COX6C: variants seen among roughly 807,000 people sequenced by gnomAD.
COX6C encodes the protein cytochrome c oxidase polypeptide VIc.
COX6C carries 3 observed loss-of-function variants against 6.9 expected under a neutral mutation model. The observed-to-expected ratio is 0.43, with a 90% CI of 0.20 to 1.12. The LOEUF (loss-of-function observed/expected upper bound fraction) is 1.12, where lower values mean the gene tolerates loss of function less well. Ranked by LOEUF, COX6C falls within the 50% of genes most tolerant of loss-of-function variation. The pLI is 0.27. For synonymous variants in COX6C, 32 were observed against 32.0 expected, an observed-to-expected ratio of 1.00 and a Z score of 0.00; for missense variants, 101 against 97.3, an observed-to-expected ratio of 1.04 and a Z score of -0.16.
At chr8:99,892,666 C>G (rs2131013305) in intron 1 of COX6C, among the ~76,000 whole-genome samples, 1 of 152,186 alleles carries the variant, frequency 6.6e-6, no homozygotes, top group South Asian at 2.1e-4. Flanking sequence ...CTTGGCTTAG[C>G]CTGTTTCATC....
intron 2 of COX6C, 97 bp downstream of exon 2, chr8:99,891,811 G>C: frequency 1.9e-6 from 2 of 1,049,434 alleles, no homozygotes; most frequent in East Asian, 4.7e-5. Context: ...GAAAGGGTTA[G>C]AAAGAAACAC....
chr8:99,881,341 C>A (rs1183288647), intron 3 of COX6C, among the ~76,000 whole-genome samples: 2 of 148,580 alleles, frequency 1.3e-5, no homozygotes, highest in Non-Finnish European at 3.0e-5. Flanking sequence ...GCCTGGGTGA[C>A]AGAGTAAGAC....
In COX6C at chr8:99,887,634, C is replaced by G. The variant is rs921854077; in HGVS notation, c.115-16G>C. ...CCACACGAAACTAAAAAGCAACCAT[C>G]CATTAGAGTTTATTTTTCAGATTAC... On this transcript the variant is annotated splice_polypyrimidine_tract_variant and intron_variant, in intron 2 of 3. Coordinates refer to ENST00000520468, the MANE Select transcript of COX6C (RefSeq NM_004374.4). The G allele has an allele frequency of 5.3e-6, 8 of 1,523,024 alleles. No individual in the cohort carries two copies. Among genetic ancestry groups the G allele is most frequent in the Non-Finnish European group, 7.1e-6 (8 of 1,119,534 alleles). 94.3% of individuals were successfully genotyped at this position (1,523,024 alleles called of 1,614,324 possible).
intron 3 of COX6C, 34 bp downstream of exon 3, chr8:99,887,456 T>A (rs1817960025): frequency 4.9e-6 from 6 of 1,234,436 alleles, no homozygotes; most frequent in African/African-American, 3.2e-5. Flanking sequence ...CAATTAGAAA[T>A]TTTTTTTTAA....
intron 3 of COX6C, among the ~76,000 whole-genome samples, chr8:99,879,301 C>T (rs775578644): frequency 2.5e-4 from 38 of 152,148 alleles, no homozygotes; most frequent in Non-Finnish European, 2.9e-4. Flanking sequence ...CCAAACCAGA[C>T]CTATGGAAAG....
intron 2 of COX6C, 126 bp downstream of exon 2, chr8:99,891,782 T>G (rs1818055826): frequency 1.3e-6 from 1 of 794,198 alleles, no homozygotes; most frequent in Admixed American, 2.1e-5. Context: ...ATAGTTCCTG[T>G]CACACTGAGG....
intron 2 of COX6C, among the ~76,000 whole-genome samples, chr8:99,891,229 C>T (rs761599058): frequency 3.7e-4 from 56 of 152,182 alleles, no homozygotes; most frequent in Non-Finnish European, 6.8e-4. Flanking sequence ...AGGGTGGGCC[C>T]TAATCCAATA....
intron 2 of COX6C, among the ~76,000 whole-genome samples, chr8:99,889,862 G>A (rs576040551): frequency 5.3e-5 from 8 of 151,802 alleles, no homozygotes; most frequent in East Asian, 2.0e-4. Context: ...AGGCCGAGGC[G>A]GGCGGATCAT....
intron 2 of COX6C, among the ~76,000 whole-genome samples, chr8:99,888,523 G>A (rs567147560): frequency 3.9e-5 from 6 of 152,280 alleles, no homozygotes; most frequent in East Asian, 1.9e-4. Flanking sequence ...GCAGTGAGCC[G>A]AGATGGTGAC....
At chr8:99,890,073 A>G (rs1018223926) in intron 2 of COX6C, among the ~76,000 whole-genome samples, 1 of 151,996 alleles carries the variant, frequency 6.6e-6, no homozygotes, top group South Asian at 2.1e-4. Context: ...CAGCATGGGC[A>G]ACAGAGTGAG....
intron 3 of COX6C, among the ~76,000 whole-genome samples, chr8:99,881,668 T>C (rs1329589091): frequency 1.3e-5 from 2 of 152,082 alleles, no homozygotes; most frequent in Non-Finnish European, 1.5e-5. Context: ...CATGTCACTA[T>C]AAAATAAAAG....
At chr8:99,885,383 T>C (rs916702643) in intron 3 of COX6C, among the ~76,000 whole-genome samples, 7 of 152,228 alleles carry the variant, frequency 4.6e-5, no homozygotes, top group Admixed American at 4.6e-4. Context: ...ATCTGTGGTT[T>C]CAAGAATCCA....
chr8:99,893,504 T>TG (rs1448517413), intron 1 of COX6C, 135 bp downstream of exon 1: 1 of 152,184 alleles, frequency 6.6e-6, no homozygotes, highest in Admixed American at 6.5e-5. Flanking sequence ...AGAGAGTAGA[T>TG]GCGGGAGAGG....
intron 2 of COX6C, among the ~76,000 whole-genome samples, chr8:99,888,849 G>T (rs1239216981): frequency 6.6e-6 from 1 of 152,204 alleles, no homozygotes; most frequent in Non-Finnish European, 1.5e-5. Context: ...CACACTGGGG[G>T]AACAGGGTGG....
At chr8:99,888,310 T>A (rs537507283) in intron 2 of COX6C, among the ~76,000 whole-genome samples, 2 of 152,032 alleles carry the variant, frequency 1.3e-5, no homozygotes, top group Non-Finnish European at 2.9e-5. Flanking sequence ...TGGTGGCTCA[T>A]GCCTACAATC....
intron 1 of COX6C, among the ~76,000 whole-genome samples, 168 bp from the exon 2 acceptor site, chr8:99,892,220 T>C (rs1818065959): frequency 6.6e-6 from 1 of 152,154 alleles, no homozygotes; most frequent in Non-Finnish European, 1.5e-5. Context: ...CTAGCTATGC[T>C]CCCCAGGCTG....
intron 1 of COX6C, chr8:99,892,891 C>G (rs1277344218): frequency 6.6e-6 from 1 of 152,202 alleles, no homozygotes; most frequent in Non-Finnish European, 1.5e-5. Context: ...TCGCGACAAC[C>G]CTGTCAGATC....
chr8:99,885,359 C>T (rs1817929657), intron 3 of COX6C, among the ~76,000 whole-genome samples: 4 of 152,186 alleles, frequency 2.6e-5, no homozygotes, highest in Admixed American at 2.6e-4. Context: ...ATAATATATA[C>T]AGGGTTTGGT....
At chr8:99,890,807 T>C (rs528030994) in intron 2 of COX6C, among the ~76,000 whole-genome samples, 1 of 152,286 alleles carries the variant, frequency 6.6e-6, no homozygotes, top group East Asian at 1.9e-4. Flanking sequence ...CATAACAAAA[T>C]CCACATTAGG....
Sources: gnomAD v4.1 joint callset for allele counts (sites outside exome capture counted in the v4.1 genomes callset) on GRCh38, gnomAD v4.1.1 for gene constraint, MANE v1.5 for transcripts, NCBI Gene and HGNC (gene_info 2026-07-23, HGNC 2026-07-21) for gene names.